Variants in CFAP47 observed in about 807,000 individuals in gnomAD.
CFAP47 encodes the protein cilia- and flagella-associated protein 47.
CFAP47 carries 29 observed loss-of-function variants against 148.1 expected under a neutral mutation model. That is an observed-to-expected ratio of 0.20 (90% CI 0.15 to 0.27). The LOEUF (loss-of-function observed/expected upper bound fraction) is 0.27. Among genes scored for constraint, CFAP47 ranks in the 10% least tolerant of loss-of-function variants. The pLI is 1.00. For synonymous variants in CFAP47, 664 were observed against 577.3 expected (o/e 1.15, Z -2.15); for missense variants, 1,872 against 1,697.5 (o/e 1.10, Z -1.81).
intron 42 of CFAP47, among the ~76,000 whole-genome samples, chrX:36,195,355 A>G (rs1352927746): frequency 8.9e-6 from 1 of 112,468 alleles, no homozygotes; most frequent in East Asian, 2.8e-4. Flanking sequence ...AATCTCATGT[A>G]CACATGGATT....
intron 25 of CFAP47, among the ~76,000 whole-genome samples, chrX:36,039,775 C>G (rs1937381501): frequency 8.9e-6 from 1 of 112,006 alleles, no homozygotes; most frequent in Non-Finnish European, 1.9e-5. Context: ...CACATCCTCA[C>G]AACATGGTGT....
chrX:36,314,304 CA>C (rs1958012045), intron 56 of CFAP47, among the ~76,000 whole-genome samples: 1 of 111,596 alleles, frequency 9.0e-6, no homozygotes, highest in Non-Finnish European at 1.9e-5. Context: ...TTAAGTTTAA[CA>C]GAGTTTAATT....
intron 61 of CFAP47, among the ~76,000 whole-genome samples, chrX:36,362,690 A>G (rs1019161624): frequency 8.9e-6 from 1 of 111,908 alleles, no homozygotes; most frequent in Non-Finnish European, 1.9e-5. Flanking sequence ...TTCTTTGGGT[A>G]TATACCCAAT....
At chrX:36,046,283 T>C (rs1781650049) in intron 25 of CFAP47, among the ~76,000 whole-genome samples, 1 of 110,524 alleles carries the variant, frequency 9.0e-6, no homozygotes, top group African/African-American at 3.3e-5. Flanking sequence ...TATTAATACA[T>C]ATTTTTATAT....
intron 53 of CFAP47, among the ~76,000 whole-genome samples, chrX:36,302,404 A>T (rs1179032632): frequency 9.0e-6 from 1 of 111,525 alleles, no homozygotes; most frequent in African/African-American, 3.3e-5. Context: ...TGAATTTATG[A>T]ACTGAATTCT....
intron 33 of CFAP47, among the ~76,000 whole-genome samples, chrX:36,118,203 A>G (rs1298493982): frequency 9.0e-6 from 1 of 111,704 alleles, no homozygotes; most frequent in Non-Finnish European, 1.9e-5. Context: ...CATTTTGTTT[A>G]GTATAACTTT....
chrX:36,085,636 A>T, intron 30 of CFAP47, 98 bp downstream of exon 30: 1 of 391,342 alleles, frequency 2.6e-6, no homozygotes. Context: ...TTCCTTTCTA[A>T]CCAAACACAC....
intron 33 of CFAP47, among the ~76,000 whole-genome samples, chrX:36,132,134 AT>A (rs1410718009): frequency 9.0e-6 from 1 of 111,679 alleles, no homozygotes; most frequent in East Asian, 2.8e-4. Flanking sequence ...TTCTGATTAA[AT>A]TTTGTGTTTA....
chrX:36,000,243 CTA>C (rs1936898454), intron 19 of CFAP47, 38 bp from the exon 20 acceptor site: 2 of 280,685 alleles, frequency 7.1e-6, no homozygotes, highest in Non-Finnish European at 1.2e-5. Flanking sequence ...TTTTCATAAA[CTA>C]TTCTATTTTC....
intron 49 of CFAP47, among the ~76,000 whole-genome samples, chrX:36,272,857 A>C (rs782369327): frequency 9.0e-5 from 10 of 111,612 alleles, no homozygotes; most frequent in Middle Eastern, 4.3e-3. Flanking sequence ...AGTGATTTTT[A>C]TATTTTTCCA....
At chrX:35,955,639 T>C (rs1936233528) in intron 7 of CFAP47, among the ~76,000 whole-genome samples, 1 of 112,175 alleles carries the variant, frequency 8.9e-6, no homozygotes. Context: ...CCTTGTACTC[T>C]GTCTCAACCT....
intron 39 of CFAP47, among the ~76,000 whole-genome samples, chrX:36,178,669 C>T (rs1431590078): frequency 9.0e-6 from 1 of 111,636 alleles, no homozygotes; most frequent in Admixed American, 9.5e-5. Context: ...TAGAATTAGC[C>T]ATTCGTGACA....
chrX:36,329,236 T>C (rs1160919009), intron 57 of CFAP47, among the ~76,000 whole-genome samples: 1 of 111,407 alleles, frequency 9.0e-6, no homozygotes. Context: ...ATATATCCCA[T>C]GATAAAGAGG....
intron 15 of CFAP47, 74 bp from the exon 16 acceptor site, chrX:35,989,245 A>T: frequency 1.3e-6 from 1 of 798,177 alleles, no homozygotes; most frequent in African/African-American, 2.1e-5. Context: ...CTTAACTCTT[A>T]TTTTGGATAT....
chrX:35,971,526 G>A lies in CFAP47; in HGVS notation c.1971-60G>A, dbSNP rs775384872. Reference sequence around the variant, plus strand: ...ACTATGGGAAAGGCTTGAATTTACAGATGCATTTTTTGAATGACTTGACCT... The same window carrying A: ...ACTATGGGAAAGGCTTGAATTTACAAATGCATTTTTTGAATGACTTGACCT... On this transcript the variant is annotated intron_variant, in intron 11 of 63. Transcript: ENST00000378653. 5.2e-6 allele frequency: 4 copies of A among 772,692 alleles called. No individual in the cohort carries two copies. In the South Asian group the frequency reaches 1.4e-4, roughly 26 times the overall value. The allele number at this position is 772,692 out of a possible 1,213,427, so 63.7% of individuals were successfully genotyped here. A position where few individuals can be genotyped will look rare whatever the true frequency, so the allele number is the denominator to read the frequency against.
At chrX:36,382,437 T>C (rs1486745505) in intron 63 of CFAP47, among the ~76,000 whole-genome samples, 1 of 111,426 alleles carries the variant, frequency 9.0e-6, no homozygotes, top group Non-Finnish European at 1.9e-5. Flanking sequence ...ATCTATGAAG[T>C]TTCACACATA....
At chrX:36,259,836 A>G (rs1049538923) in intron 49 of CFAP47, among the ~76,000 whole-genome samples, 72 of 111,511 alleles carry the variant, frequency 6.5e-4, no homozygotes, top group African/African-American at 2.3e-3. Flanking sequence ...GTACCTGATA[A>G]GTTGCCTTCC....
chrX:36,013,450 A>G (rs1338446873), intron 21 of CFAP47, among the ~76,000 whole-genome samples: 1 of 112,005 alleles, frequency 8.9e-6, no homozygotes, highest in Non-Finnish European at 1.9e-5. Context: ...GGATATATGA[A>G]CAATTAACAA....
intron 45 of CFAP47, among the ~76,000 whole-genome samples, chrX:36,207,684 T>C (rs1288450719): frequency 1.8e-5 from 2 of 111,470 alleles, no homozygotes; most frequent in Non-Finnish European, 3.8e-5. Flanking sequence ...CTCCCGCAAA[T>C]TGTGACAACC....
Sources: gnomAD v4.1 joint callset for allele counts (sites outside exome capture counted in the v4.1 genomes callset) on GRCh38, gnomAD v4.1.1 for gene constraint, MANE v1.5 for transcripts, NCBI Gene and HGNC (gene_info 2026-07-23, HGNC 2026-07-21) for gene names.